CNTN5: variants seen among roughly 807,000 people sequenced by gnomAD.
CNTN5 encodes contactin 5, also known as contactin-5.
In CNTN5, 77 loss-of-function variants were observed where a neutral mutation model predicts 129.1. That is an observed-to-expected ratio of 0.60 (90% confidence interval 0.50 to 0.72). The LOEUF is 0.72. Among genes scored for constraint, CNTN5 ranks in the 30% least tolerant of loss-of-function variants. The pLI is 0.00. For synonymous variants in CNTN5, 509 were observed against 465.6 expected, an observed-to-expected ratio of 1.09 and a Z score of -1.20; for missense variants, 1,478 against 1,328.8, an observed-to-expected ratio of 1.11 and a Z score of -1.75.
At chr11:99,931,888 G>T (rs1002759742) in intron 7 of CNTN5, among the ~76,000 whole-genome samples, 1 of 152,150 alleles carries the variant, frequency 6.6e-6, no homozygotes, top group African/African-American at 2.4e-5. Context: ...ATTCCAGAGA[G>T]TATCTAAGCT....
chr11:99,360,293 C>T (rs1225566431), intron 2 of CNTN5, among the ~76,000 whole-genome samples: 2 of 152,256 alleles, frequency 1.3e-5, no homozygotes, highest in East Asian at 3.9e-4. Flanking sequence ...AAATTTCATA[C>T]TGCATATTAG....
intron 7 of CNTN5, among the ~76,000 whole-genome samples, chr11:99,920,387 A>C (rs1319702699): frequency 6.6e-6 from 1 of 152,146 alleles, no homozygotes; most frequent in Non-Finnish European, 1.5e-5. Flanking sequence ...TTAAATATCT[A>C]AATATCTAAA....
intron 1 of CNTN5, among the ~76,000 whole-genome samples, chr11:99,259,080 A>T (rs753814827): frequency 1.8e-4 from 27 of 152,064 alleles, no homozygotes; most frequent in Admixed American, 3.9e-4. Context: ...TTAATGTAAT[A>T]TATAATATGA....
chr11:99,556,994 C>T lies in CNTN5; in HGVS notation c.55+725C>T, dbSNP rs545613680. Reference sequence around the variant, plus strand: ...AATTAAATTGTGGTCATAATTTAAGCGCTATGCATGTAACATTTACAGCTT... The same window carrying T: ...AATTAAATTGTGGTCATAATTTAAGTGCTATGCATGTAACATTTACAGCTT... On this transcript the variant is annotated intron_variant, in intron 3 of 24. Coordinates refer to ENST00000524871, the MANE Select transcript of CNTN5 (RefSeq NM_014361.4). 4.6e-5 allele frequency among the ~76,000 whole-genome samples: 7 copies of T among 151,082 alleles called. No homozygotes were observed. In the South Asian group the frequency reaches 1.0e-3, roughly 23 times the overall value.
intron 3 of CNTN5, among the ~76,000 whole-genome samples, chr11:99,786,111 G>C (rs543357065): frequency 6.6e-6 from 1 of 152,134 alleles, no homozygotes. Flanking sequence ...AAACCCCGTC[G>C]TCTCAGCCCC....
At chr11:99,879,677 G>A (rs1948722785) in intron 6 of CNTN5, among the ~76,000 whole-genome samples, 1 of 152,222 alleles carries the variant, frequency 6.6e-6, no homozygotes, top group East Asian at 1.9e-4. Context: ...TATTGAGTTC[G>A]TTTATGGGCA....
At chr11:99,998,144 G>C (rs1015320810) in intron 8 of CNTN5, among the ~76,000 whole-genome samples, 1 of 151,742 alleles carries the variant, frequency 6.6e-6, no homozygotes, top group Admixed American at 6.6e-5. Flanking sequence ...AGTGTTGGAA[G>C]TTCTGGGCAG....
At chr11:100,074,114 G>A in intron 12 of CNTN5, 30 bp from the exon 13 acceptor site, 1 of 1,593,738 alleles carries the variant, frequency 6.3e-7, no homozygotes, top group Non-Finnish European at 8.5e-7. Flanking sequence ...CATTGCTTCT[G>A]GTAGAAACTA....
chr11:100,158,610 G>C (rs576509394), intron 13 of CNTN5, among the ~76,000 whole-genome samples: 9 of 151,932 alleles, frequency 5.9e-5, no homozygotes, highest in African/African-American at 2.2e-4. Context: ...ATTAGTATTA[G>C]AGAAATGCAA....
intron 1 of CNTN5, among the ~76,000 whole-genome samples, chr11:99,209,277 T>C (rs1318271765): frequency 6.6e-6 from 1 of 152,118 alleles, no homozygotes; most frequent in Non-Finnish European, 1.5e-5. Flanking sequence ...CCGGGTACTT[T>C]ATAAAGAAAA....
At chr11:99,522,553 C>CTAT (rs1947310814) in intron 2 of CNTN5, among the ~76,000 whole-genome samples, 1 of 151,930 alleles carries the variant, frequency 6.6e-6, no homozygotes, top group South Asian at 2.1e-4. Flanking sequence ...TTGTAATTCT[C>CTAT]TATAGACATT....
intron 2 of CNTN5, among the ~76,000 whole-genome samples, chr11:99,476,904 C>T (rs1945391585): frequency 6.6e-6 from 1 of 152,006 alleles, no homozygotes; most frequent in Non-Finnish European, 1.5e-5. Flanking sequence ...GTTTTGTTAT[C>T]TCTTCCCGTT....
At chr11:99,781,947 A>C (rs1157374665) in intron 3 of CNTN5, among the ~76,000 whole-genome samples, 1 of 151,944 alleles carries the variant, frequency 6.6e-6, no homozygotes, top group African/African-American at 2.4e-5. Context: ...CACCACTCCT[A>C]TTCAACATAG....
chr11:99,024,361 T>C (rs1274805902), intron 1 of CNTN5, among the ~76,000 whole-genome samples: 1 of 152,118 alleles, frequency 6.6e-6, no homozygotes, highest in Non-Finnish European at 1.5e-5. Context: ...CAAAATATAG[T>C]GTTTTAATAC....
intron 3 of CNTN5, among the ~76,000 whole-genome samples, chr11:99,596,314 A>G (rs1331383029): frequency 2.0e-5 from 3 of 152,192 alleles, no homozygotes; most frequent in Non-Finnish European, 4.4e-5. Flanking sequence ...GTCATTGACT[A>G]TCCTACTAAT....
At chr11:100,110,110 C>T (rs1945594147) in intron 13 of CNTN5, among the ~76,000 whole-genome samples, 1 of 151,300 alleles carries the variant, frequency 6.6e-6, no homozygotes, top group Admixed American at 6.6e-5. Flanking sequence ...TGGCTTGAGC[C>T]CAGTGGGTGG....
chr11:99,712,134 C>T (rs564325532), intron 3 of CNTN5, among the ~76,000 whole-genome samples: 12 of 152,196 alleles, frequency 7.9e-5, no homozygotes, highest in South Asian at 2.1e-4. Flanking sequence ...ACGTCCTCTC[C>T]AGCATCTGTT....
chr11:99,150,874 G>A (rs1462629283), intron 1 of CNTN5, among the ~76,000 whole-genome samples: 2 of 152,032 alleles, frequency 1.3e-5, no homozygotes, highest in Non-Finnish European at 2.9e-5. Flanking sequence ...TACCTCATAA[G>A]TAGATTGAAA....
chr11:99,215,207 G>A (rs906552042), intron 1 of CNTN5, among the ~76,000 whole-genome samples: 4 of 152,022 alleles, frequency 2.6e-5, no homozygotes, highest in African/African-American at 9.7e-5. Context: ...CTGTGATTAT[G>A]TCTCAGCTGA....
Sources: gnomAD v4.1 joint callset for allele counts (sites outside exome capture counted in the v4.1 genomes callset) on GRCh38, gnomAD v4.1.1 for gene constraint, MANE v1.5 for transcripts, NCBI Gene and HGNC (gene_info 2026-07-23, HGNC 2026-07-21) for gene names.